The following PPP6R3 variants were observed in gnomAD, a reference collection of about 807,000 sequenced individuals.
PPP6R3 encodes protein phosphatase 6 regulatory subunit 3.
Under a neutral mutation model 110.7 loss-of-function variants are expected in PPP6R3, and 38 were observed. That is an observed-to-expected ratio of 0.34 (90% CI 0.26 to 0.45). PPP6R3 has a LOEUF of 0.45. Ranked by LOEUF, PPP6R3 falls within the 20% of genes least tolerant of loss-of-function variation. PPP6R3 has a pLI of 1.00. For synonymous variants in PPP6R3, 369 were observed against 373.5 expected, an observed-to-expected ratio of 0.99 and a Z score of 0.14; for missense variants, 870 against 1,062.4, an observed-to-expected ratio of 0.82 and a Z score of 2.52.
At chr11:68,491,573 C>T (rs1052091767) in intron 1 of PPP6R3, among the ~76,000 whole-genome samples, 2 of 151,898 alleles carry the variant, frequency 1.3e-5, no homozygotes, top group Non-Finnish European at 2.9e-5. Context: ...TGGTCCTGAA[C>T]TTCTGGGCTC....
intron 1 of PPP6R3, among the ~76,000 whole-genome samples, chr11:68,512,509 G>A (rs1333792537): frequency 1.3e-5 from 2 of 152,178 alleles, no homozygotes; most frequent in African/African-American, 2.4e-5. Flanking sequence ...GCCAATTACC[G>A]GGGAAGGGAC....
In PPP6R3 at chr11:68,554,145, C is replaced by T; in HGVS notation, c.619C>T (p.Arg207Ter). The change falls in exon 7 of 24, where the codon CGA becomes TGA. Residue 207 changes from arginine (R) to a stop codon, truncating the protein, a stop_gained and splice_region_variant. Transcript: ENST00000393800. LOFTEE classifies it high-confidence loss of function. ...EIVHPSQEED[R>*]HSNASQSLCE... ...TTAAAATTGTACTTTTTTCCTTTAG[C>T]GACATTCAAATGCATCACAATCACT... The T allele has an allele frequency of 1.3e-6, 2 of 1,597,622 alleles. No individual in the cohort carries two copies. The highest frequency in any genetic ancestry group is 1.7e-6 in the Non-Finnish European group (2 of 1,173,006).
chr11:68,472,250 C>T (rs970715787), intron 1 of PPP6R3, among the ~76,000 whole-genome samples: 6 of 152,148 alleles, frequency 3.9e-5, no homozygotes, highest in African/African-American at 9.7e-5. Flanking sequence ...GGCGTGCAGA[C>T]GGAGAGGTTT....
chr11:68,494,164 G>C (rs1431406643), intron 1 of PPP6R3, among the ~76,000 whole-genome samples: 2 of 150,384 alleles, frequency 1.3e-5, no homozygotes, highest in Non-Finnish European at 3.0e-5. Flanking sequence ...CACGAAGAAA[G>C]GATGAATGCT....
intron 1 of PPP6R3, among the ~76,000 whole-genome samples, chr11:68,489,418 A>G (rs1314471348): frequency 6.6e-6 from 1 of 152,124 alleles, no homozygotes; most frequent in Non-Finnish European, 1.5e-5. Flanking sequence ...AAAGGGTTAC[A>G]CTGGAGTTTG....
chr11:68,520,216 A>G (rs2099157381), intron 2 of PPP6R3, among the ~76,000 whole-genome samples: 1 of 152,198 alleles, frequency 6.6e-6, no homozygotes, highest in African/African-American at 2.4e-5. Flanking sequence ...TAGTTAATCA[A>G]ATTTCACTTG....
intron 2 of PPP6R3, among the ~76,000 whole-genome samples, chr11:68,526,695 A>G (rs1054664408): frequency 6.6e-6 from 1 of 152,106 alleles, no homozygotes; most frequent in Non-Finnish European, 1.5e-5. Flanking sequence ...CTCGACTACC[A>G]TTGTGCCATC....
In PPP6R3 at chr11:68,609,988, G is replaced by A. The variant is rs373633795; in HGVS notation, c.2535G>A (p.Ala845=). ...ECPETAEAKC[A]APRPPSSSPE... is the part of the protein sequence containing the mutation. ...CCGAGACTGCAGAGGCGAAGTGCGC[G>A]GCGCCCAGGCCTCCCAGCAGCAGTC... Residue 845 remains alanine, a synonymous_variant, in exon 23 of 24, where the codon GCG becomes GCA. Transcript: ENST00000393800. 7.4e-6 allele frequency: 12 copies of A among 1,613,938 alleles called. No homozygotes were observed. Among genetic ancestry groups the A allele is most frequent in the Admixed American group, 3.3e-5 (2 of 59,992 alleles).
intron 1 of PPP6R3, among the ~76,000 whole-genome samples, chr11:68,493,588 T>A (rs1213308868): frequency 6.9e-6 from 1 of 144,530 alleles, no homozygotes; most frequent in Non-Finnish European, 1.5e-5. Context: ...TGAGCCATCA[T>A]GCTTGGGGTA....
chr11:68,475,810 C>T (rs578150482), intron 1 of PPP6R3, among the ~76,000 whole-genome samples: 2 of 151,224 alleles, frequency 1.3e-5, no homozygotes, highest in African/African-American at 4.9e-5. Flanking sequence ...GGAGGGGCTC[C>T]TCACTTCTCA....
At chr11:68,597,241 A>G (rs75711573) in intron 19 of PPP6R3, among the ~76,000 whole-genome samples, 2,001 of 152,294 alleles carry the variant, frequency 0.013, 52 homozygotes, top group African/African-American at 0.046. Context: ...GGAGCCTTCC[A>G]TTAGGCCTCT....
rs766774630 is a variant in PPP6R3, at chr11:68,583,139, G to T, written c.1632+10G>T. On this transcript the variant is annotated intron_variant, in intron 15 of 23. Coordinates refer to ENST00000393800, the MANE Select transcript of PPP6R3 (RefSeq NM_001164161.2). ...TTCTTCTTTGCAGCAAGTGAGTCAC[G>T]CCTAAAGCTTTGCTTTTTGTTTTTA... 1.3e-6 allele frequency: 2 copies of T among 1,506,162 alleles called. No homozygotes were observed. The highest frequency in any genetic ancestry group is 2.6e-5 in the South Asian group (2 of 78,360). The allele number at this position is 1,506,162 out of a possible 1,614,324, so 93.3% of individuals were successfully genotyped here. A position where few individuals can be genotyped will look rare whatever the true frequency, so the allele number is the denominator to read the frequency against.
chr11:68,544,500 G>A (rs1389576596), intron 3 of PPP6R3, among the ~76,000 whole-genome samples: 4 of 152,244 alleles, frequency 2.6e-5, no homozygotes, highest in Non-Finnish European at 5.9e-5. Flanking sequence ...GCTGTAGCCT[G>A]ATGGCTCGTA....
rs1269688410 is a variant in PPP6R3, at chr11:68,558,636, G to A, written c.802G>A (p.Ala268Thr). The change falls in exon 8 of 24, where the codon GCA becomes ACA. Residue 268 changes from alanine (A) to threonine (T), a missense_variant. Physicochemically the swap from Ala to Thr is moderately conservative, Grantham distance 58. Transcript: ENST00000393800. ...GAAAAATGAGTCAGCCATAGTCAGT[G>A]CAATCCAGATATTGCTGACTTTACT... ...KEKNESAIVS[A>T]IQILLTLLET... 1 of 1,613,282 alleles carries A rather than the reference G, an allele frequency of 6.2e-7. No homozygotes were observed. The highest frequency in any genetic ancestry group is 1.3e-5 in the African/African-American group (1 of 75,004).
intron 19 of PPP6R3, among the ~76,000 whole-genome samples, chr11:68,598,333 A>G (rs1273181161): frequency 6.6e-6 from 1 of 152,198 alleles, no homozygotes; most frequent in African/African-American, 2.4e-5. Context: ...GTTAAGTGAC[A>G]GGGAGGGAAA....
intron 1 of PPP6R3, among the ~76,000 whole-genome samples, chr11:68,505,490 A>T (rs2099071164): frequency 2.0e-5 from 3 of 151,490 alleles, no homozygotes. Context: ...ATTGTTTTTT[A>T]TTTATTTAGA....
intron 1 of PPP6R3, among the ~76,000 whole-genome samples, chr11:68,461,939 G>A (rs1255755901): frequency 6.6e-6 from 1 of 152,230 alleles, no homozygotes; most frequent in East Asian, 1.9e-4. Context: ...ATGAGACCCA[G>A]TTATGGTGGT....
At chr11:68,596,880 C>G (rs1481839594) in intron 19 of PPP6R3, among the ~76,000 whole-genome samples, 2 of 152,184 alleles carry the variant, frequency 1.3e-5, no homozygotes, top group African/African-American at 4.8e-5. Context: ...TTATGTTCAT[C>G]CCAGAGGCTG....
chr11:68,600,334 T>G lies in PPP6R3; in HGVS notation c.2039-7T>G, dbSNP rs1340268870. On this transcript the variant is annotated splice_region_variant and splice_polypyrimidine_tract_variant and intron_variant, in intron 19 of 23. Coordinates refer to ENST00000393800, the MANE Select transcript of PPP6R3 (RefSeq NM_001164161.2). ...TTTTCCAAATAGAATTTCTCCCCTC[T>G]TTTTAGCACCCAACTGGTCAGCTAA... 1 of 1,613,022 alleles carries G rather than the reference T, an allele frequency of 6.2e-7. No individual in the cohort carries two copies. Among genetic ancestry groups the G allele is most frequent in the South Asian group, 1.1e-5 (1 of 91,008 alleles).
Sources: gnomAD v4.1 joint callset for allele counts (sites outside exome capture counted in the v4.1 genomes callset) on GRCh38, gnomAD v4.1.1 for gene constraint, MANE v1.5 for transcripts, NCBI Gene and HGNC (gene_info 2026-07-23, HGNC 2026-07-21) for gene names.